The following ABHD12B variants were observed in gnomAD, a reference collection of about 807,000 sequenced individuals.
The protein encoded by ABHD12B is abhydrolase domain containing 12B.
In ABHD12B, 42 loss-of-function variants were observed where a neutral mutation model predicts 50.4. That is an observed-to-expected ratio of 0.83 (90% CI 0.65 to 1.08). The LOEUF (loss-of-function observed/expected upper bound fraction) is 1.08, where lower values mean the gene tolerates loss of function less well. ABHD12B is among the 50% of genes least tolerant of loss of function. ABHD12B has a pLI of 0.00. For missense variants in ABHD12B, 479 were observed against 447.7 expected (o/e 1.07, Z -0.63); for synonymous variants, 167 against 160.3 (o/e 1.04, Z -0.32).
At chr14:50,877,659 G>A (rs1399017201) in intron 1 of ABHD12B, among the ~76,000 whole-genome samples, 1 of 152,188 alleles carries the variant, frequency 6.6e-6, no homozygotes, top group African/African-American at 2.4e-5. Flanking sequence ...CTGAGGTCAG[G>A]AGTTCGAGAC....
At chr14:50,892,419 G>C (rs917629985) in intron 9 of ABHD12B, 1 of 985,340 alleles carries the variant, frequency 1.0e-6, no homozygotes, top group South Asian at 4.7e-5. Context: ...TTCAGGCGGG[G>C]TGCTAAGCTT....
chr14:50,901,705 G>A, intron 9 of ABHD12B, 124 bp from the exon 10 acceptor site: 1 of 474,308 alleles, frequency 2.1e-6, no homozygotes, highest in South Asian at 6.4e-5. Flanking sequence ...GAAGTTTTTT[G>A]TGAAGTTTAC....
At chr14:50,893,597 ACG>A (rs1420388437) in intron 9 of ABHD12B, 1 of 154,600 alleles carries the variant, frequency 6.5e-6, no homozygotes, top group Non-Finnish European at 1.4e-5. Context: ...GTCTCTTCAC[ACG>A]GACGCGCATG....
chr14:50,902,968 GT>G (rs946572021), intron 10 of ABHD12B, among the ~76,000 whole-genome samples: 43 of 152,162 alleles, frequency 2.8e-4, no homozygotes, highest in Non-Finnish European at 5.7e-4. Context: ...TTCTGTCATA[GT>G]TTTTGTTTTA....
chr14:50,904,523 T>C lies in ABHD12B; in HGVS notation c.*157T>C. ...CCATTTTAACAACAGAAAGTACGAATGTTAGGCAGTATGGAATGTTCTTAT... is the reference window on the plus strand; with the variant it reads ...CCATTTTAACAACAGAAAGTACGAACGTTAGGCAGTATGGAATGTTCTTAT... On this transcript the variant is annotated 3_prime_UTR_variant, in exon 13 of 13. Transcript: ENST00000337334. 1 of 877,482 alleles carries C rather than the reference T, an allele frequency of 1.1e-6. No individual in the cohort carries two copies. The highest frequency in any genetic ancestry group is 1.4e-5 in the South Asian group (1 of 69,178). 54.4% of individuals were successfully genotyped at this position (877,482 alleles called of 1,614,324 possible).
At chr14:50,881,062 C>T (rs576176006) in intron 4 of ABHD12B, among the ~76,000 whole-genome samples, 1 of 152,322 alleles carries the variant, frequency 6.6e-6, no homozygotes, top group South Asian at 2.1e-4. Flanking sequence ...GACCGTCTGA[C>T]TAATTCTAGA....
intron 1 of ABHD12B, among the ~76,000 whole-genome samples, chr14:50,874,466 G>A (rs1019775623): frequency 2.0e-5 from 3 of 152,136 alleles, no homozygotes; most frequent in African/African-American, 7.2e-5. Context: ...CAGGCGTGGT[G>A]GCACATGCCC....
chr14:50,889,690 T>G (rs1040684126), intron 9 of ABHD12B, among the ~76,000 whole-genome samples: 1 of 152,184 alleles, frequency 6.6e-6, no homozygotes, highest in African/African-American at 2.4e-5. Context: ...ATAATCTTAT[T>G]CTATACCTAA....
intron 9 of ABHD12B, among the ~76,000 whole-genome samples, chr14:50,896,114 C>G (rs992962873): frequency 1.4e-4 from 22 of 152,114 alleles, no homozygotes; most frequent in Non-Finnish European, 2.9e-4. Flanking sequence ...ATCATGCACC[C>G]CTTACCATCT....
At chr14:50,898,421 C>A (rs2050223641) in intron 9 of ABHD12B, among the ~76,000 whole-genome samples, 1 of 152,066 alleles carries the variant, frequency 6.6e-6, no homozygotes, top group African/African-American at 2.4e-5. Flanking sequence ...GTGTGGCATG[C>A]CCAAAGCTTC....
intron 5 of ABHD12B, among the ~76,000 whole-genome samples, chr14:50,882,373 C>CTTTTTTTTTGTTTT (rs2049965436): frequency 1.2e-5 from 1 of 81,844 alleles, no homozygotes; most frequent in East Asian, 4.6e-4. Context: ...AGAATGTCTG[C>CTTTTTTTTTGTTTT]TTTTTTTTTT....
At position 50,872,211 on chromosome 14, in the gene ABHD12B, GAGCCGCCCGGGCCCCC is replaced by G. The variant is rs2049794664; in HGVS notation, c.42_57del (p.Pro15ValfsTer41). On this transcript the variant is annotated frameshift_variant, in exon 1 of 13. Coordinates refer to ENST00000337334, the MANE Select transcript of ABHD12B (RefSeq NM_001206673.2). LOFTEE classifies it high-confidence loss of function. The stretch of plus-strand genomic sequence containing the variant: ...GGACTGCCAGGCGGCCGCATCGCCC[GAGCCGCCCGGGCCCCC>G]AGCCCGTAGCTGCGTGGCCGCCTGG... The G allele has an allele frequency of 7.3e-7, 1 of 1,378,734 alleles. No individual in the cohort carries two copies. Among genetic ancestry groups the G allele is most frequent in the Non-Finnish European group, 9.4e-7 (1 of 1,064,220 alleles). 85.4% of individuals were successfully genotyped at this position (1,378,734 alleles called of 1,614,324 possible). A position where few individuals can be genotyped will look rare whatever the true frequency, so the allele number is the denominator to read the frequency against.
At chr14:50,890,120 T>C (rs571150279) in intron 9 of ABHD12B, among the ~76,000 whole-genome samples, 1 of 152,224 alleles carries the variant, frequency 6.6e-6, no homozygotes. Context: ...TTCTAGAAAC[T>C]GAACATTCAT....
intron 6 of ABHD12B, 26 bp from the exon 7 acceptor site, chr14:50,885,740 C>T (rs1209033332): frequency 3.7e-6 from 6 of 1,614,022 alleles, no homozygotes; most frequent in African/African-American, 1.3e-5. Context: ...GGCAGTGATA[C>T]TGTGTTTGCC....
intron 9 of ABHD12B, among the ~76,000 whole-genome samples, chr14:50,900,839 T>G (rs2050253450): frequency 6.6e-6 from 1 of 152,198 alleles, no homozygotes; most frequent in Non-Finnish European, 1.5e-5. Context: ...CTTCAGGGCC[T>G]TGGAGGCCAA....
chr14:50,904,306 G>C (rs777023499), intron 12 of ABHD12B, 33 bp from the exon 13 acceptor site: 14 of 1,614,118 alleles, frequency 8.7e-6, no homozygotes, highest in Non-Finnish European at 1.2e-5. Context: ...GGTAGGGAAA[G>C]GGTGTGAGCT....
At chr14:50,879,322 A>G (rs1212846987) in intron 3 of ABHD12B, among the ~76,000 whole-genome samples, 1 of 152,142 alleles carries the variant, frequency 6.6e-6, no homozygotes, top group Non-Finnish European at 1.5e-5. Context: ...CCTTTTGACA[A>G]TTATTCCCAT....
At chr14:50,875,661 T>C (rs535243676) in intron 1 of ABHD12B, among the ~76,000 whole-genome samples, 2 of 152,288 alleles carry the variant, frequency 1.3e-5, no homozygotes, top group South Asian at 4.1e-4. Flanking sequence ...CACTGGTGAC[T>C]TTTGATCCCT....
chr14:50,879,600 T>C (rs1326814136), intron 3 of ABHD12B, among the ~76,000 whole-genome samples: 2 of 152,262 alleles, frequency 1.3e-5, no homozygotes, highest in African/African-American at 2.4e-5. Context: ...TTCATCTCCC[T>C]GAGTTCAAAC....
Sources: gnomAD v4.1 joint callset for allele counts (sites outside exome capture counted in the v4.1 genomes callset) on GRCh38, gnomAD v4.1.1 for gene constraint, MANE v1.5 for transcripts, NCBI Gene and HGNC (gene_info 2026-07-23, HGNC 2026-07-21) for gene names.